The following NTMT1 variants were observed in gnomAD, a reference collection of about 807,000 sequenced individuals.
NTMT1 encodes N-terminal Xaa-Pro-Lys N-methyltransferase 1.
In NTMT1, 8 loss-of-function variants were observed where a neutral mutation model predicts 17.5. That is an observed-to-expected ratio of 0.46 (90% CI 0.27 to 0.82). The LOEUF (loss-of-function observed/expected upper bound fraction) is 0.82. Among genes scored for constraint, NTMT1 ranks in the 40% least tolerant of loss-of-function variants. The probability of loss-of-function intolerance (pLI) is 0.15; values close to 1 mark genes in which losing one functional copy is unlikely to be tolerated. For missense variants in NTMT1, 221 were observed against 303.5 expected (o/e 0.73, Z 2.02); for synonymous variants, 128 against 126.8 (o/e 1.01, Z -0.06).
intron 1 of NTMT1, among the ~76,000 whole-genome samples, chr9:129,615,041 G>A (rs79999548): frequency 0.18 from 27,984 of 152,206 alleles, 3,003 homozygotes; most frequent in East Asian, 0.3. Flanking sequence ...TCCGCTTCGC[G>A]GCTTTTCTGG....
chr9:129,613,360 G>A lies in NTMT1; in HGVS notation c.-55+4182G>A, dbSNP rs1830179950. 6 of 1,582,548 alleles carry A rather than the reference G, an allele frequency of 3.8e-6. No homozygotes were observed. Among genetic ancestry groups the A allele is most frequent in the Non-Finnish European group, 5.2e-6 (6 of 1,161,890 alleles). On this transcript the variant is annotated intron_variant, in intron 1 of 3. Coordinates refer to the NTMT1 transcript ENST00000372486. This position sits in a 1 kb window ranked among gnomAD's most constrained non-coding sequence, Gnocchi z 6.2. ...CTGGCAACCCGCCTGCTGCTGGGTG[G>A]GGAGGTCTGTAGGCAAGGGGGGTGG...
chr9:129,619,841 G>A (rs759625628), intron 1 of NTMT1: 1 of 1,613,800 alleles, frequency 6.2e-7, no homozygotes, highest in Non-Finnish European at 8.5e-7. Context: ...CTGGAGCCAG[G>A]AGGAAACAGT....
chr9:129,614,409 G>C lies in NTMT1; in HGVS notation c.-55+5231G>C, dbSNP rs2118858862. Among the ~76,000 whole-genome samples the C allele has an allele frequency of 6.6e-6, 1 of 152,318 alleles. No homozygotes were observed. Among genetic ancestry groups the C allele is most frequent in the South Asian group, 2.1e-4 (1 of 4,830 alleles). The stretch of plus-strand genomic sequence containing the variant: ...GTTTGCAGGGCATCGCCCACAGCTA[G>C]ACCTTGAGGCAGACATTTCCTGAAA... On this transcript the variant is annotated intron_variant, in intron 1 of 3. Coordinates refer to the NTMT1 transcript ENST00000372486. This position sits in a 1 kb window ranked among gnomAD's most constrained non-coding sequence, Gnocchi z 4.4.
At chr9:129,631,977 G>A (rs1481262462) in intron 1 of NTMT1, among the ~76,000 whole-genome samples, 1 of 152,190 alleles carries the variant, frequency 6.6e-6, no homozygotes, top group Non-Finnish European at 1.5e-5. Flanking sequence ...GTTAACGGAG[G>A]ACTGGACCCC....
At chr9:129,626,072 C>G (rs1236985891), upstream of NTMT1, 1 of 152,162 alleles carries the variant, frequency 6.6e-6, no homozygotes, top group Non-Finnish European at 1.5e-5. Context: ...AATCCGGAGC[C>G]CGCGCGGGGG....
chr9:129,617,065 C>CA (rs35142253), intron 1 of NTMT1, among the ~76,000 whole-genome samples: 9 of 138,764 alleles, frequency 6.5e-5, no homozygotes, highest in South Asian at 4.5e-4. Context: ...GACTTCGTCT[C>CA]AAAAAAAAAG....
intron 1 of NTMT1, among the ~76,000 whole-genome samples, chr9:129,609,847 GC>G (rs1182378895): frequency 6.6e-6 from 1 of 152,070 alleles, no homozygotes; most frequent in African/African-American, 2.4e-5. Flanking sequence ...GAATGTGGGG[GC>G]TGCGGCCCTG....
intron 2 of NTMT1, 100 bp downstream of exon 2, chr9:129,632,965 T>G (rs752904065): frequency 7.2e-7 from 1 of 1,388,334 alleles, no homozygotes; most frequent in Non-Finnish European, 1.0e-6. Context: ...CACTGCAGGA[T>G]TGTTGGCTAT....
At chr9:129,630,644 G>A (rs1175303632) in intron 1 of NTMT1, among the ~76,000 whole-genome samples, 1 of 152,160 alleles carries the variant, frequency 6.6e-6, no homozygotes, top group African/African-American at 2.4e-5. Context: ...ACTCTTCCGT[G>A]TTGACCCTGT....
In NTMT1 at chr9:129,635,112, C is replaced by A. The variant is rs147302282; in HGVS notation, c.416-96C>A. 2.7e-4 allele frequency: 387 copies of A among 1,457,496 alleles called. 1 individual carries two copies. The African/African-American group carries it at 5.0e-3, about 19-fold the overall frequency. The allele number at this position is 1,457,496 out of a possible 1,614,324, so 90.3% of individuals were successfully genotyped here. On this transcript the variant is annotated intron_variant, in intron 3 of 3. Transcript: ENST00000372483. ...ATGTGTGCACACAAAATGCTGGGCA[C>A]AAATGAGGGGCTCAGCGGGGCTGAG...
In NTMT1 at chr9:129,626,189, G is replaced by A. The variant is rs1830880550; in HGVS notation, c.-161G>A. ...GCGCGCGCCGCGAGCTGTCGCGTCT[G>A]GTCGTGGTCTGGCGGAGCTGCGGTT... On this transcript the variant is annotated 5_prime_UTR_variant, in exon 1 of 4. Coordinates refer to ENST00000372483, the MANE Select transcript of NTMT1 (RefSeq NM_014064.4). The A allele has an allele frequency of 1.3e-5, 2 of 152,312 alleles. No individual in the cohort carries two copies. Among genetic ancestry groups the A allele is most frequent in the South Asian group, 2.1e-4 (1 of 4,836 alleles). The allele number at this position is 152,312 out of a possible 1,614,324, so 9.4% of individuals were successfully genotyped here.
At position 129,635,080 on chromosome 9, in the gene NTMT1, T is replaced by C. The variant is rs886129297; in HGVS notation, c.416-128T>C. 5.6e-6 allele frequency: 6 copies of C among 1,078,580 alleles called. No individual in the cohort carries two copies. In the African/African-American group the frequency reaches 9.4e-5, roughly 17 times the overall value. The allele number at this position is 1,078,580 out of a possible 1,614,324, so 66.8% of individuals were successfully genotyped here. On this transcript the variant is annotated intron_variant, in intron 3 of 3. Transcript: ENST00000372483. ...TAAATCTCTCGGGACTGAGAGCCAA[T>C]GAGGCCATGTGTGCACACAAAATGC...
chr9:129,612,547 G>T, intron 1 of NTMT1: 2 of 922,360 alleles, frequency 2.2e-6, no homozygotes, highest in East Asian at 2.6e-5. Flanking sequence ...GCCCTGTTGG[G>T]CAGGTAGTGC....
rs768041968 is a variant in NTMT1, at chr9:129,613,562, G to A, written c.-55+4384G>A. ...AACACCCGCTCGGACGCCACTGGCA[G>A]GGCGGCCTTCTGGTTCACAATGACG... is the stretch of plus-strand genomic sequence containing the variant. On this transcript the variant is annotated intron_variant, in intron 1 of 3. Transcript: ENST00000372486. The surrounding 1 kb of genome is among the most constrained non-coding windows in gnomAD (Gnocchi z 6.2). The A allele has an allele frequency of 2.7e-5, 44 of 1,614,058 alleles. No individual in the cohort carries two copies. In the South Asian group the frequency reaches 4.6e-4, roughly 17 times the overall value.
rs372791162 is a variant in NTMT1, at chr9:129,613,109, G to C, written c.-55+3931G>C. 27 of 1,613,714 alleles carry C rather than the reference G, an allele frequency of 1.7e-5. No homozygotes were observed. The highest frequency in any genetic ancestry group is 2.2e-5 in the Non-Finnish European group (26 of 1,180,028). On this transcript the variant is annotated intron_variant, in intron 1 of 3. Transcript: ENST00000372486. This position sits in a 1 kb window ranked among gnomAD's most constrained non-coding sequence, Gnocchi z 6.2. Reference sequence around the variant, plus strand: ...CAGGAGCAAGACCATTTGCCCACCTGCTCCAGGTTTCTGTGCGGGTCCAAG... The same window carrying C: ...CAGGAGCAAGACCATTTGCCCACCTCCTCCAGGTTTCTGTGCGGGTCCAAG...
rs1463613004 is a variant in NTMT1, at chr9:129,613,392, C to T, written c.-55+4214C>T. 1 of 1,604,006 alleles carries T rather than the reference C, an allele frequency of 6.2e-7. No homozygotes were observed. Among genetic ancestry groups the T allele is most frequent in the Admixed American group, 1.7e-5 (1 of 59,520 alleles). The stretch of plus-strand genomic sequence containing the variant: ...CTGTAGGCAAGGGGGGTGGAGGGCC[C>T]TGGCAATGTCCACGAGTCCCATCCG... On this transcript the variant is annotated intron_variant, in intron 1 of 3. Transcript: ENST00000372486. The surrounding 1 kb of genome is among the most constrained non-coding windows in gnomAD (Gnocchi z 6.2).
At chr9:129,619,140 A>T (rs1830544165) in intron 1 of NTMT1, among the ~76,000 whole-genome samples, 1 of 152,196 alleles carries the variant, frequency 6.6e-6, no homozygotes, top group Non-Finnish European at 1.5e-5. Flanking sequence ...TCATGGGTCC[A>T]TGATAGATTA....
At chr9:129,615,503 G>A (rs773863913) in intron 1 of NTMT1, 14 of 1,603,702 alleles carry the variant, frequency 8.7e-6, no homozygotes, top group Non-Finnish European at 1.1e-5. Flanking sequence ...TGCGCTCCCA[G>A]TAGCGGAGCG....
chr9:129,621,108 C>T (rs981241785), intron 1 of NTMT1, among the ~76,000 whole-genome samples: 5 of 152,240 alleles, frequency 3.3e-5, no homozygotes, highest in Non-Finnish European at 7.3e-5. Flanking sequence ...AGAGAGAGCA[C>T]TTAGCCTGCC....
Sources: allele counts gnomAD v4.1 joint callset (sites outside exome capture counted in the v4.1 genomes callset), GRCh38; gene constraint gnomAD v4.1.1; non-coding constraint Gnocchi (gnomAD v3.1); transcripts MANE v1.5; gene names NCBI Gene and HGNC (gene_info 2026-07-23, HGNC 2026-07-21).